SPOCK1: variants seen among roughly 807,000 people sequenced by gnomAD.
The protein encoded by SPOCK1 is testican-1.
Under a neutral mutation model 55.3 loss-of-function variants are expected in SPOCK1, and 23 were observed. That is an observed-to-expected ratio of 0.42 (90% CI 0.30 to 0.59). The LOEUF (loss-of-function observed/expected upper bound fraction) is 0.59. Among genes scored for constraint, SPOCK1 ranks in the 20% least tolerant of loss-of-function variants. The pLI, the probability that SPOCK1 is intolerant of heterozygous loss-of-function variation, is 0.22. For missense variants in SPOCK1, 499 were observed against 552.5 expected, an observed-to-expected ratio of 0.90 and a Z score of 0.97; for synonymous variants, 226 against 221.0, an observed-to-expected ratio of 1.02 and a Z score of -0.20.
At chr5:137,223,477 C>G (rs532388005) in intron 3 of SPOCK1, among the ~76,000 whole-genome samples, 11 of 152,254 alleles carry the variant, frequency 7.2e-5, no homozygotes, top group African/African-American at 2.4e-4. Flanking sequence ...TTATTTTCCT[C>G]TTTCCTCACA....
chr5:137,113,859 T>TCTAC (rs1753522106), intron 4 of SPOCK1, among the ~76,000 whole-genome samples: 1 of 152,176 alleles, frequency 6.6e-6, no homozygotes, highest in Non-Finnish European at 1.5e-5. Flanking sequence ...ACGGAAATAT[T>TCTAC]TTCTACCAGG....
intron 6 of SPOCK1, among the ~76,000 whole-genome samples, chr5:137,034,647 G>A (rs1028061648): frequency 6.6e-6 from 1 of 152,184 alleles, no homozygotes; most frequent in Non-Finnish European, 1.5e-5. Context: ...GAGGTTAAAT[G>A]ATTTGTCCAT....
At chr5:137,127,190 A>C (rs937461769) in intron 4 of SPOCK1, among the ~76,000 whole-genome samples, 22 of 152,244 alleles carry the variant, frequency 1.4e-4, no homozygotes, top group Non-Finnish European at 8.8e-5. Context: ...AGCTATCATC[A>C]AAGACAAGGA....
At chr5:137,194,174 T>C (rs1436608527) in intron 3 of SPOCK1, among the ~76,000 whole-genome samples, 1 of 152,192 alleles carries the variant, frequency 6.6e-6, no homozygotes, top group African/African-American at 2.4e-5. Flanking sequence ...AGGGAGAGCC[T>C]GGGCCAGCCA....
chr5:137,207,203 G>A (rs1755534238), intron 3 of SPOCK1, among the ~76,000 whole-genome samples: 1 of 152,172 alleles, frequency 6.6e-6, no homozygotes. Context: ...TTCCACGCCT[G>A]TCACCAGCCG....
intron 2 of SPOCK1, among the ~76,000 whole-genome samples, chr5:137,429,350 C>T (rs35215630): frequency 0.28 from 42,211 of 152,096 alleles, 6,896 homozygotes; most frequent in Middle Eastern, 0.43. Context: ...TCCAGCTCAC[C>T]CCCACCCCCA....
intron 2 of SPOCK1, among the ~76,000 whole-genome samples, chr5:137,400,535 A>G (rs1402186282): frequency 1.3e-5 from 2 of 152,146 alleles, no homozygotes; most frequent in East Asian, 3.9e-4. Context: ...TCTGCAAGCT[A>G]TGCTGTATTT....
chr5:137,088,478 C>T (rs2348188), intron 5 of SPOCK1, among the ~76,000 whole-genome samples: 60,392 of 151,996 alleles, frequency 0.4, 12,877 homozygotes, highest in Non-Finnish European at 0.48. Flanking sequence ...CTTCCAGGCA[C>T]TTGTAAAGAA....
chr5:137,401,247 C>T (rs1751969562), intron 2 of SPOCK1, among the ~76,000 whole-genome samples: 1 of 152,184 alleles, frequency 6.6e-6, no homozygotes, highest in Non-Finnish European at 1.5e-5. Flanking sequence ...ATCTTTCCAT[C>T]ATTCCAACAG....
chr5:137,498,334 G>T, intron 2 of SPOCK1, 39 bp downstream of exon 2: 3 of 1,532,958 alleles, frequency 2.0e-6, no homozygotes, highest in Non-Finnish European at 2.6e-6. Flanking sequence ...CCTCCGAGAG[G>T]CTCCGCGCCC....
chr5:137,289,888 G>A (rs1033702336), intron 2 of SPOCK1, among the ~76,000 whole-genome samples: 1 of 152,074 alleles, frequency 6.6e-6, no homozygotes, highest in Non-Finnish European at 1.5e-5. Flanking sequence ...TACAAAATAG[G>A]ATACCCATAG....
intron 3 of SPOCK1, among the ~76,000 whole-genome samples, chr5:137,211,234 A>C (rs1443008524): frequency 6.6e-6 from 1 of 152,244 alleles, no homozygotes; most frequent in Non-Finnish European, 1.5e-5. Context: ...AGTTAAGAGC[A>C]GGATCTTCAG....
chr5:137,401,385 G>A (rs1452154265), intron 2 of SPOCK1, among the ~76,000 whole-genome samples: 2 of 151,946 alleles, frequency 1.3e-5, no homozygotes, highest in African/African-American at 4.8e-5. Flanking sequence ...TCCTCAGGTT[G>A]ACCCTATGCA....
intron 3 of SPOCK1, among the ~76,000 whole-genome samples, chr5:137,229,054 G>A (rs1756001681): frequency 6.6e-6 from 1 of 152,138 alleles, no homozygotes. Context: ...CTGATTAGGG[G>A]AATTTGTGGT....
chr5:137,199,615 G>A (rs1389106646), intron 3 of SPOCK1, among the ~76,000 whole-genome samples: 3 of 152,056 alleles, frequency 2.0e-5, no homozygotes, highest in African/African-American at 7.3e-5. Context: ...ACATTCTCAT[G>A]AGTTTCCTCC....
At chr5:137,262,305 TTG>T (rs1433616574) in intron 3 of SPOCK1, among the ~76,000 whole-genome samples, 1 of 152,220 alleles carries the variant, frequency 6.6e-6, no homozygotes, top group Non-Finnish European at 1.5e-5. Flanking sequence ...TTGAAGGTAA[TTG>T]TTACCAGCAA....
In SPOCK1 at chr5:137,295,463, C is replaced by T. The variant is rs146613611; in HGVS notation, c.187-28408G>A. 1.5e-3 allele frequency among the ~76,000 whole-genome samples: 230 copies of T among 152,294 alleles called. 2 individuals carry two copies. The highest frequency in any genetic ancestry group is 4.9e-3 in the African/African-American group (202 of 41,558). ...CTATGTTTCATCAAAACTGTTGGAT[C>T]GAAGAGCTCACCACAGGGCCAGCCA... On this transcript the variant is annotated intron_variant, in intron 2 of 10. Coordinates refer to ENST00000394945, the MANE Select transcript of SPOCK1 (RefSeq NM_004598.4).
intron 5 of SPOCK1, among the ~76,000 whole-genome samples, chr5:137,110,565 C>A (rs932957947): frequency 6.6e-6 from 1 of 152,276 alleles, no homozygotes; most frequent in East Asian, 1.9e-4. Context: ...AAAAGCAAGT[C>A]CTGTTACTAT....
At chr5:137,189,181 CT>C (rs112075287) in intron 3 of SPOCK1, among the ~76,000 whole-genome samples, 8,428 of 152,284 alleles carry the variant, frequency 0.055, 790 homozygotes, top group African/African-American at 0.19. Context: ...TCCAGAAGAT[CT>C]AGCTAAGAGA....
Sources: allele counts gnomAD v4.1 joint callset (sites outside exome capture counted in the v4.1 genomes callset), GRCh38; gene constraint gnomAD v4.1.1; transcripts MANE v1.5; gene names NCBI Gene and HGNC (gene_info 2026-07-23, HGNC 2026-07-21).